The following DISC1 variants were observed in gnomAD, a reference collection of about 807,000 sequenced individuals.
DISC1 encodes the protein DISC1 scaffold protein, also known as disrupted in schizophrenia 1 protein.
A neutral mutation model predicts 84.5 loss-of-function variants in DISC1; 57 were observed. That is an observed-to-expected ratio of 0.67 (90% CI 0.55 to 0.84). The LOEUF is 0.84. Ranked by LOEUF, DISC1 falls within the 40% of genes least tolerant of loss-of-function variation. DISC1 has a pLI of 0.00. For missense variants in DISC1, 1,000 were observed against 1,057.8 expected (o/e 0.95, Z 0.76); for synonymous variants, 411 against 415.2 (o/e 0.99, Z 0.12).
chr1:231,730,066 T>G (rs2071314741), intron 3 of DISC1, among the ~76,000 whole-genome samples: 1 of 152,216 alleles, frequency 6.6e-6, no homozygotes, highest in African/African-American at 2.4e-5. Context: ...GAGCCTGTAG[T>G]TTTTGAGCAC....
chr1:231,957,809 G>A (rs60433043), intron 9 of DISC1, among the ~76,000 whole-genome samples: 3,123 of 152,132 alleles, frequency 0.021, 117 homozygotes, highest in African/African-American at 0.071. Context: ...ACTTTTTCCA[G>A]TTCCACAGTC....
At position 231,865,379 on chromosome 1, in the gene DISC1, C is replaced by T. The variant is rs73094820; in HGVS notation, c.1981+46862C>T. 9.9e-3 allele frequency among the ~76,000 whole-genome samples: 1,507 copies of T among 152,272 alleles called. 29 individuals are homozygous for T. The highest frequency in any genetic ancestry group is 0.034 in the African/African-American group (1,431 of 41,544). ...GTGTTACACTGGTTTGTTTATATGTCGGCTTTCAGTGATGCCAGAAAATCA... is the reference window on the plus strand; with the variant it reads ...GTGTTACACTGGTTTGTTTATATGTTGGCTTTCAGTGATGCCAGAAAATCA... On this transcript the variant is annotated intron_variant, in intron 9 of 12. Coordinates refer to ENST00000439617, the MANE Select transcript of DISC1 (RefSeq NM_018662.3).
intron 4 of DISC1, among the ~76,000 whole-genome samples, chr1:231,756,497 CA>C: frequency 6.7e-6 from 1 of 148,604 alleles, no homozygotes; most frequent in South Asian, 2.1e-4. Context: ...TATAGGTTCA[CA>C]AACGTATATG....
intron 9 of DISC1, among the ~76,000 whole-genome samples, chr1:231,868,803 C>G (rs1300677389): frequency 6.7e-6 from 1 of 148,350 alleles, no homozygotes; most frequent in Admixed American, 6.8e-5. Flanking sequence ...GCGGATTGCT[C>G]AAGCTCAGGA....
At chr1:231,858,858 C>T (rs923769473) in intron 9 of DISC1, among the ~76,000 whole-genome samples, 1 of 152,190 alleles carries the variant, frequency 6.6e-6, no homozygotes, top group Non-Finnish European at 1.5e-5. Context: ...GAGATGGGGT[C>T]TGGAAATGTA....
At chr1:231,738,296 G>A (rs1406677195) in intron 3 of DISC1, among the ~76,000 whole-genome samples, 2 of 152,184 alleles carry the variant, frequency 1.3e-5, no homozygotes, top group Non-Finnish European at 1.5e-5. Context: ...AAGCATCCCA[G>A]TGATGCTCCT....
intron 9 of DISC1, among the ~76,000 whole-genome samples, chr1:231,880,286 T>C (rs2086199917): frequency 6.6e-6 from 1 of 152,206 alleles, no homozygotes; most frequent in Non-Finnish European, 1.5e-5. Flanking sequence ...GACCTTGGAC[T>C]TTTCAATCTC....
chr1:231,642,128 A>G (rs2117118), intron 1 of DISC1, among the ~76,000 whole-genome samples: 70,301 of 151,882 alleles, frequency 0.46, 16,855 homozygotes, highest in East Asian at 0.82. Flanking sequence ...GAGAAATTGA[A>G]CACAGCAGCT....
chr1:231,631,152 A>G (rs2058672676), intron 1 of DISC1, among the ~76,000 whole-genome samples: 1 of 152,246 alleles, frequency 6.6e-6, no homozygotes, highest in Admixed American at 6.5e-5. Flanking sequence ...CCAGTTGGCT[A>G]AACTCCTTGT....
rs73096859 is a variant in DISC1 at position 231,932,832 on chromosome 1, A to G, written c.1982-25996A>G. Among the ~76,000 whole-genome samples, 632 of 152,330 alleles carry G rather than the reference A, an allele frequency of 4.1e-3. 6 individuals carry two copies. The highest frequency in any genetic ancestry group is 0.014 in the African/African-American group (595 of 41,570). ...CATTGACTATTTCTCTAGAGTTGGC[A>G]TCCTAAAATTCAAAATTTTTGGTCT... On this transcript the variant is annotated intron_variant, in intron 9 of 12. Transcript: ENST00000439617.
intron 9 of DISC1, among the ~76,000 whole-genome samples, chr1:231,913,306 T>C (rs749493842): frequency 6.6e-6 from 1 of 152,198 alleles, no homozygotes; most frequent in Non-Finnish European, 1.5e-5. Flanking sequence ...GCTGTCATAT[T>C]ATGGCTAATG....
intron 10 of DISC1, among the ~76,000 whole-genome samples, chr1:231,981,449 C>T (rs1037457187): frequency 6.6e-6 from 1 of 152,154 alleles, no homozygotes; most frequent in Non-Finnish European, 1.5e-5. Flanking sequence ...TGCAGATCCC[C>T]TGGGTTTTAG....
rs146498920 is a variant in DISC1, at chr1:231,997,816, A to T, written c.2043-10969A>T. Among the ~76,000 whole-genome samples, 604 of 152,328 alleles carry T rather than the reference A, an allele frequency of 4.0e-3. 6 individuals are homozygous for T. Among genetic ancestry groups the T allele is most frequent in the African/African-American group, 0.013 (540 of 41,570 alleles). On this transcript the variant is annotated intron_variant, in intron 10 of 12. Coordinates refer to ENST00000439617, the MANE Select transcript of DISC1 (RefSeq NM_018662.3). The stretch of plus-strand genomic sequence containing the variant: ...GACCTGCACAAGTGAGGGCCTTGGC[A>T]GTATCCACTTCTCCAAAGACCCAAG...
At chr1:231,724,415 C>G (rs998276019) in intron 3 of DISC1, among the ~76,000 whole-genome samples, 6 of 152,172 alleles carry the variant, frequency 3.9e-5, no homozygotes, top group Non-Finnish European at 5.9e-5. Flanking sequence ...AACACCGCCC[C>G]AAGTGTGATA....
intron 1 of DISC1, among the ~76,000 whole-genome samples, chr1:231,641,076 G>A (rs2059610959): frequency 6.6e-6 from 1 of 152,206 alleles, no homozygotes; most frequent in Non-Finnish European, 1.5e-5. Flanking sequence ...TGAAGGAAAA[G>A]GGTTGGAACT....
At chr1:231,965,994 G>A (rs1483725026) in intron 10 of DISC1, among the ~76,000 whole-genome samples, 2 of 152,188 alleles carry the variant, frequency 1.3e-5, no homozygotes, top group African/African-American at 2.4e-5. Flanking sequence ...GGTATTCTAA[G>A]GTTTCCATGC....
Position 231,800,185 on chromosome 1 carries a change from T to G in DISC1, c.1767T>G (p.Leu589=), listed in dbSNP as rs2079115245. The G allele has an allele frequency of 5.6e-6, 9 of 1,612,132 alleles. No homozygotes were observed. Among genetic ancestry groups the G allele is most frequent in the Non-Finnish European group, 7.6e-6 (9 of 1,179,728 alleles). The stretch of plus-strand genomic sequence containing the variant: ...TTGAAACCCAACTACCAGCCTTGCT[T>G]GAAGCCAAAATGCATGCCATATCAG... ...NDIETQLPAL[L]EAKMHAISGN... Residue 589 remains leucine, a synonymous_variant, in exon 8 of 13, where the codon CTT becomes CTG. Coordinates refer to ENST00000439617, the MANE Select transcript of DISC1 (RefSeq NM_018662.3).
Position 231,749,967 on chromosome 1 carries a change from A to G in DISC1, c.1159A>G (p.Lys387Glu), listed in dbSNP as rs767594296. 1 of 1,614,242 alleles carries G rather than the reference A, an allele frequency of 6.2e-7. No individual in the cohort carries two copies. Among genetic ancestry groups the G allele is most frequent in the Admixed American group, 1.7e-5 (1 of 60,026 alleles). The change falls in exon 4 of 13, where the codon AAA becomes GAA. Residue 387 changes from lysine to glutamate, a missense_variant. Physicochemically the swap from Lys to Glu is moderately conservative, Grantham distance 56 (BLOSUM62 1). This residue lies in a region of DISC1 where 311 missense variants were observed against 400.1 expected (regional missense o/e 0.78). Transcript: ENST00000439617. ...QQRLEDLEQE[K>E]ISLHFQLPSR... ...AAGATTAGAAGACCTGGAACAAGAGAAAATCAGCCTGCACTTTCAACTTCC... is the reference window on the plus strand; with the variant it reads ...AAGATTAGAAGACCTGGAACAAGAGGAAATCAGCCTGCACTTTCAACTTCC...
chr1:231,836,229 A>G (rs1302861418), intron 9 of DISC1, among the ~76,000 whole-genome samples: 1 of 152,168 alleles, frequency 6.6e-6, no homozygotes, highest in Non-Finnish European at 1.5e-5. Flanking sequence ...TCCATTATAA[A>G]AACAACTCCT....
Sources: allele counts gnomAD v4.1 joint callset (sites outside exome capture counted in the v4.1 genomes callset), GRCh38; gene constraint gnomAD v4.1.1; regional missense constraint gnomAD v4.1.1; transcripts MANE v1.5; gene names NCBI Gene and HGNC (gene_info 2026-07-23, HGNC 2026-07-21).